ZNF235: variants seen among roughly 807,000 people sequenced by gnomAD.
ZNF235 encodes zfp-93.
ZNF235 carries 25 observed loss-of-function variants against 29.4 expected under a neutral mutation model. The ratio of observed to expected loss-of-function variants is 0.85; its 90% confidence interval spans 0.62 to 1.19. The LOEUF is 1.19. Ranked by LOEUF, ZNF235 falls within the 50% of genes most tolerant of loss-of-function variation. The pLI is 0.00. For synonymous variants in ZNF235, 300 were observed against 295.3 expected, an observed-to-expected ratio of 1.02 and a Z score of -0.16; for missense variants, 788 against 885.0, an observed-to-expected ratio of 0.89 and a Z score of 1.39.
chr19:44,291,826 G>A (rs572779466), intron 4 of ZNF235, among the ~76,000 whole-genome samples: 1 of 152,126 alleles, frequency 6.6e-6, no homozygotes, highest in African/African-American at 2.4e-5. Flanking sequence ...AAACATATAA[G>A]GAAGAAACAA....
chr19:44,304,022 T>C (rs900413489), intron 1 of ZNF235, among the ~76,000 whole-genome samples: 1 of 152,154 alleles, frequency 6.6e-6, no homozygotes, highest in African/African-American at 2.4e-5. Context: ...TGAGTTACCA[T>C]TACCCTCAGA....
At chr19:44,303,285 C>T in intron 2 of ZNF235, 105 bp downstream of exon 2, 1 of 1,132,658 alleles carries the variant, frequency 8.8e-7, no homozygotes, top group Non-Finnish European at 1.3e-6. Context: ...AACAACATTC[C>T]AAGTGCCTTT....
chr19:44,287,537 C>T lies in ZNF235; in HGVS notation c.1898G>A (p.Gly633Asp). Residue 633 changes from glycine to aspartate, a missense_variant, in exon 5 of 5, where the codon GGT becomes GAT. Coordinates refer to ENST00000291182, the MANE Select transcript of ZNF235 (RefSeq NM_004234.4). ...GEKPYKCDTC[G>D]KAFSQRSNLQ... ...ATTTGACCTCTGGCTGAAGGCCTTA[C>T]CACAAGTGTCACATTTATATGGTTT... 1.2e-6 allele frequency: 2 copies of T among 1,614,146 alleles called. No homozygotes were observed. The highest frequency in any genetic ancestry group is 1.7e-6 in the Non-Finnish European group (2 of 1,180,014).
chr19:44,290,773 G>A (rs557107138), intron 4 of ZNF235: 1 of 155,542 alleles, frequency 6.4e-6, no homozygotes, highest in East Asian at 1.9e-4. Flanking sequence ...ACAACTCTGG[G>A]AAGACATGCA....
chr19:44,304,700 C>A (rs898264254), intron 1 of ZNF235: 7 of 984,436 alleles, frequency 7.1e-6, no homozygotes, highest in Admixed American at 1.2e-4. Flanking sequence ...AAGTAACTTG[C>A]CCAATATTTT....
At chr19:44,299,931 G>A (rs560784760) in intron 2 of ZNF235, among the ~76,000 whole-genome samples, 199 bp from the exon 3 acceptor site, 10 of 152,252 alleles carry the variant, frequency 6.6e-5, no homozygotes, top group Admixed American at 3.3e-4. Context: ...GTTAAATCAT[G>A]GCATACACAC....
intron 2 of ZNF235, 59 bp downstream of exon 2, chr19:44,303,331 G>A: frequency 1.3e-6 from 2 of 1,581,292 alleles, no homozygotes; most frequent in Non-Finnish European, 1.7e-6. Context: ...GGAAAAATGT[G>A]TCCAATCTTT....
Position 44,288,296 on chromosome 19 carries a change from CA to C in ZNF235, c.1138del (p.Cys380ValfsTer91), listed in dbSNP as rs1463495250. The C allele has an allele frequency of 6.2e-7, 1 of 1,614,126 alleles. No individual in the cohort carries two copies. The highest frequency in any genetic ancestry group is 2.2e-5 in the East Asian group (1 of 44,872). ...TGEKPYRCDS[C>X]GKGFSRSTDL... ...TGTGCTACGACTGAAGCCCTTCCCA[CA>C]ACTGTCACATCTATAGGGCTTCTCT... On this transcript the variant is annotated frameshift_variant, in exon 5 of 5. Transcript: ENST00000291182. LOFTEE classifies it high-confidence loss of function.
chr19:44,296,264 G>T (rs1045302539), intron 4 of ZNF235, among the ~76,000 whole-genome samples: 1 of 152,132 alleles, frequency 6.6e-6, no homozygotes, highest in African/African-American at 2.4e-5. Context: ...GTTGATAACT[G>T]CTAAGACAGT....
intron 3 of ZNF235, 62 bp downstream of exon 3, chr19:44,299,543 CA>C: frequency 6.3e-7 from 1 of 1,596,418 alleles, no homozygotes; most frequent in Non-Finnish European, 8.6e-7. Flanking sequence ...TTATCTGGCC[CA>C]AAACATCAAT....
intron 1 of ZNF235, among the ~76,000 whole-genome samples, chr19:44,304,198 G>A (rs1975797031): frequency 1.3e-5 from 2 of 152,118 alleles, no homozygotes; most frequent in African/African-American, 2.4e-5. Context: ...TGAAAGCAAT[G>A]ACTAATAAAA....
At position 44,298,901 on chromosome 19, in the gene ZNF235, G is replaced by A. The variant is rs144034114; in HGVS notation, c.145C>T (p.His49Tyr). Residue 49 changes from histidine (H) to tyrosine (Y), a missense_variant and splice_region_variant, in exon 4 of 5, where the codon CAT (histidine) becomes TAT (tyrosine). By Grantham distance (83) the His-to-Tyr change is moderately conservative. Transcript: ENST00000291182. ...ATCATATCTGGTTTGAAGGACTGAT[G>A]TCCTATAAAAAGATAGTATTTAAGT... The part of the protein sequence containing the change: ...ENFRNLVSVG[H>Y]QSFKPDMISQ... The A allele has an allele frequency of 2.1e-5, 34 of 1,609,188 alleles. No individual in the cohort carries two copies. Among genetic ancestry groups the A allele is most frequent in the Non-Finnish European group, 2.9e-5 (34 of 1,176,276 alleles).
In ZNF235 at chr19:44,287,653, A is replaced by G; in HGVS notation, c.1782T>C (p.Thr594=). Residue 594 remains threonine, a synonymous_variant, in exon 5 of 5, where the codon ACT becomes ACC. Transcript: ENST00000291182. ...SNLQAHQSVH[T]GEKPFKCDAC... Reference sequence around the variant, plus strand: ...CATCACACTTGAATGGTTTTTCCCCAGTGTGGACGCTCTGATGGGCTTGAA... The same window carrying G: ...CATCACACTTGAATGGTTTTTCCCCGGTGTGGACGCTCTGATGGGCTTGAA... 1.2e-6 allele frequency: 2 copies of G among 1,613,656 alleles called. No homozygotes were observed. The highest frequency in any genetic ancestry group is 1.7e-6 in the Non-Finnish European group (2 of 1,179,806).
intron 4 of ZNF235, among the ~76,000 whole-genome samples, chr19:44,293,121 C>T (rs1344327252): frequency 6.6e-6 from 1 of 151,822 alleles, no homozygotes; most frequent in African/African-American, 2.4e-5. Context: ...ATAAAAGACA[C>T]AAAAGTATAA....
At chr19:44,298,949 A>C in intron 3 of ZNF235, 46 bp from the exon 4 acceptor site, 1 of 1,485,578 alleles carries the variant, frequency 6.7e-7, no homozygotes. Context: ...GGCAAAGAGT[A>C]CTGAAAAAAT....
At chr19:44,298,737 G>T in intron 4 of ZNF235, 71 bp downstream of exon 4, 2 of 1,171,970 alleles carry the variant, frequency 1.7e-6, no homozygotes, top group Non-Finnish European at 1.2e-6. Context: ...GTAGCTGAGT[G>T]GAGAAGAAAT....
At chr19:44,294,810 G>T (rs1975632379) in intron 4 of ZNF235, among the ~76,000 whole-genome samples, 1 of 151,674 alleles carries the variant, frequency 6.6e-6, no homozygotes, top group African/African-American at 2.4e-5. Flanking sequence ...ATGTGATTCA[G>T]CCTATAAACA....
chr19:44,296,357 A>ACAAAT (rs985609722), intron 4 of ZNF235, among the ~76,000 whole-genome samples: 3 of 152,222 alleles, frequency 2.0e-5, no homozygotes, highest in African/African-American at 7.2e-5. Flanking sequence ...TCATAGGAAA[A>ACAAAT]CAAATAGGTC....
Position 44,289,064 on chromosome 19 carries a change from A to G in ZNF235, c.371T>C (p.Ile124Thr). ...SKLARSQDSM[I>T]NIEGKSSQFP... The stretch of plus-strand genomic sequence containing the variant: ...CTGAGAGCTCTTTCCTTCAATATTT[A>G]TCATGGAGTCTTGACTTCTGGCTAA... Residue 124 changes from isoleucine (I) to threonine (T), a missense_variant, in exon 5 of 5, where the codon ATA (isoleucine) becomes ACA (threonine). Transcript: ENST00000291182. The G allele has an allele frequency of 6.2e-7, 1 of 1,614,096 alleles. No homozygotes were observed.
Sources: gnomAD v4.1 joint callset for allele counts (sites outside exome capture counted in the v4.1 genomes callset) on GRCh38, gnomAD v4.1.1 for gene constraint, MANE v1.5 for transcripts, NCBI Gene and HGNC (gene_info 2026-07-23, HGNC 2026-07-21) for gene names.